Variants in TP53BP2 observed in about 807,000 individuals in gnomAD.
TP53BP2 encodes the protein apoptosis-stimulating of p53 protein 2.
In TP53BP2, 62 loss-of-function variants were observed where a neutral mutation model predicts 126.2. The ratio of observed to expected loss-of-function variants is 0.49; its 90% CI spans 0.40 to 0.61. The LOEUF is 0.61. Among genes scored for constraint, TP53BP2 ranks in the 20% least tolerant of loss-of-function variants. TP53BP2 has a pLI of 0.00. For missense variants in TP53BP2, 1,215 were observed against 1,402.8 expected, an observed-to-expected ratio of 0.87 and a Z score of 2.14; for synonymous variants, 485 against 502.9, an observed-to-expected ratio of 0.96 and a Z score of 0.48.
At chr1:223,798,751 T>G in intron 11 of TP53BP2, 74 bp from the exon 12 acceptor site, 1 of 1,237,392 alleles carries the variant, frequency 8.1e-7, no homozygotes. Context: ...ATAACCTAAT[T>G]TCACAAATGT....
chr1:223,814,446 T>C (rs987907124), intron 2 of TP53BP2, 93 bp from the exon 3 acceptor site: 2 of 906,090 alleles, frequency 2.2e-6, no homozygotes, highest in Non-Finnish European at 3.5e-6. Flanking sequence ...TTATACATTA[T>C]GGATACAACA....
At chr1:223,840,651 C>T (rs1013775896) in intron 1 of TP53BP2, among the ~76,000 whole-genome samples, 1 of 152,144 alleles carries the variant, frequency 6.6e-6, no homozygotes, top group Non-Finnish European at 1.5e-5. Context: ...AGACAAAGGT[C>T]TACAGTATTC....
At position 223,796,919 on chromosome 1, in the gene TP53BP2, A is replaced by G. The variant is rs1392326823; in HGVS notation, c.1949-329T>C. The stretch of plus-strand genomic sequence containing the variant: ...TGTGAAAAACATTTAGATGCAATGA[A>G]AACAGATAATCCTCATGTGTCCAGA... On this transcript the variant is annotated intron_variant, in intron 12 of 17. Coordinates refer to ENST00000343537, the MANE Select transcript of TP53BP2 (RefSeq NM_001031685.3). This position sits in a 1 kb window ranked among gnomAD's most constrained non-coding sequence, Gnocchi z 4.2. 6.6e-6 allele frequency among the ~76,000 whole-genome samples: 1 copy of G among 152,232 alleles called. No individual in the cohort carries two copies. Among genetic ancestry groups the G allele is most frequent in the African/African-American group, 2.4e-5 (1 of 41,468 alleles).
At chr1:223,809,008 C>T (rs1041426977) in intron 4 of TP53BP2, among the ~76,000 whole-genome samples, 2 of 151,988 alleles carry the variant, frequency 1.3e-5, no homozygotes, top group African/African-American at 4.8e-5. Flanking sequence ...CTCTGGTGGG[C>T]ATGTAAAATA....
chr1:223,821,183 A>G (rs761867128), intron 2 of TP53BP2, 37 bp downstream of exon 2: 10 of 1,613,578 alleles, frequency 6.2e-6, no homozygotes, highest in Non-Finnish European at 8.5e-6. Context: ...AATAGAAGAC[A>G]GAAGAACTAA....
intron 15 of TP53BP2, among the ~76,000 whole-genome samples, chr1:223,792,136 T>A (rs1662176002): frequency 6.6e-6 from 1 of 152,222 alleles, no homozygotes. Flanking sequence ...GTGTACTACT[T>A]TGTTACACTT....
At chr1:223,836,087 C>T (rs1357445050) in intron 1 of TP53BP2, among the ~76,000 whole-genome samples, 1 of 152,208 alleles carries the variant, frequency 6.6e-6, no homozygotes, top group East Asian at 1.9e-4. Flanking sequence ...AGTCCTGGAA[C>T]TGTTGAAGCA....
chr1:223,802,229 A>T lies in TP53BP2; in HGVS notation c.1112T>A (p.Leu371Ter), dbSNP rs1662549488. 1 of 1,614,088 alleles carries T rather than the reference A, an allele frequency of 6.2e-7. No individual in the cohort carries two copies. Residue 371 changes from leucine to a stop codon, truncating the protein, a stop_gained, in exon 9 of 18, where the codon TTG (leucine) becomes TAG (stop). Transcript: ENST00000343537. LOFTEE classifies it high-confidence loss of function. Reference protein sequence around the residue: ...TMPRMPSRPELLVKPALPDGS... With the variant: ...TMPRMPSRPE Reference sequence around the variant, plus strand: ...ATCCGGCAGGGCTGGCTTCACCAGCAATTCAGGCCTTGAGGGCATCCGAGG... The same window carrying T: ...ATCCGGCAGGGCTGGCTTCACCAGCTATTCAGGCCTTGAGGGCATCCGAGG...
chr1:223,789,440 A>G (rs568475859), intron 15 of TP53BP2, among the ~76,000 whole-genome samples: 1 of 152,346 alleles, frequency 6.6e-6, no homozygotes, highest in African/African-American at 2.4e-5. Flanking sequence ...ACGTGAATAA[A>G]CAGAAATGAA....
chr1:223,794,018 C>T (rs1662234541), intron 13 of TP53BP2, among the ~76,000 whole-genome samples: 1 of 152,178 alleles, frequency 6.6e-6, no homozygotes, highest in African/African-American at 2.4e-5. Context: ...TCTTTAAAGT[C>T]TGCCATCTTA....
chr1:223,844,661 G>A (rs187336410), intron 1 of TP53BP2, among the ~76,000 whole-genome samples: 40 of 152,056 alleles, frequency 2.6e-4, no homozygotes, highest in African/African-American at 9.2e-4. Context: ...TTGTTAAGTC[G>A]ACCCAGTGAG....
intron 1 of TP53BP2, among the ~76,000 whole-genome samples, chr1:223,823,105 CA>C (rs1390661670): frequency 6.6e-6 from 1 of 151,978 alleles, no homozygotes; most frequent in Non-Finnish European, 1.5e-5. Flanking sequence ...TTTAAGACTG[CA>C]AAAAAGCAGA....
chr1:223,813,307 G>GC (rs1193116687), intron 3 of TP53BP2, among the ~76,000 whole-genome samples: 1 of 152,064 alleles, frequency 6.6e-6, no homozygotes, highest in Non-Finnish European at 1.5e-5. Context: ...TCATTTCAGG[G>GC]CCCCACCTGG....
chr1:223,836,343 G>A (rs985328720), intron 1 of TP53BP2, among the ~76,000 whole-genome samples: 2 of 152,238 alleles, frequency 1.3e-5, no homozygotes, highest in East Asian at 3.8e-4. Flanking sequence ...AATGAACCAC[G>A]AGGTGACCGG....
At chr1:223,793,189 A>T in intron 14 of TP53BP2, 114 bp downstream of exon 14, 1 of 815,702 alleles carries the variant, frequency 1.2e-6, no homozygotes, top group Non-Finnish European at 1.7e-6. Context: ...TTCTAATTAG[A>T]GCTTTAAAAC....
chr1:223,800,389 T>C (rs904295416), intron 10 of TP53BP2, among the ~76,000 whole-genome samples: 4 of 151,980 alleles, frequency 2.6e-5, no homozygotes, highest in Non-Finnish European at 4.4e-5. Flanking sequence ...GAGTCCAGTC[T>C]GGGCAACATG....
chr1:223,786,655 G>A (rs1367811676), intron 16 of TP53BP2, among the ~76,000 whole-genome samples: 5 of 151,166 alleles, frequency 3.3e-5, no homozygotes, highest in African/African-American at 1.2e-4. Context: ...TGCCCAGGCT[G>A]GAGTGCAGTG....
In TP53BP2 at chr1:223,799,911, C is replaced by T; in HGVS notation, c.1473G>A (p.Leu491=). 6.3e-7 allele frequency: 1 copy of T among 1,592,222 alleles called. No individual in the cohort carries two copies. Among genetic ancestry groups the T allele is most frequent in the Non-Finnish European group, 8.5e-7 (1 of 1,173,556 alleles). The change falls in exon 11 of 18, where the codon TTG becomes TTA. Residue 491 remains leucine, a synonymous_variant. Coordinates refer to ENST00000343537, the MANE Select transcript of TP53BP2 (RefSeq NM_001031685.3). ...LRKNQSSEDI[L]RDAQVANKNV... ...TATTTGTAGGTACCTGAGCATCCCG[C>T]AAGATATCTTCACTGCTCTGGTTCT...
chr1:223,831,466 T>TAAAAAAA (rs1157082703), intron 1 of TP53BP2, among the ~76,000 whole-genome samples: 24 of 43,676 alleles, frequency 5.5e-4, no homozygotes, highest in Admixed American at 9.6e-4. Flanking sequence ...ATGTACCATC[T>TAAAAAAA]AAAAAAAAAA....
Sources: allele counts gnomAD v4.1 joint callset (sites outside exome capture counted in the v4.1 genomes callset), GRCh38; gene constraint gnomAD v4.1.1; non-coding constraint Gnocchi (gnomAD v3.1); transcripts MANE v1.5; gene names NCBI Gene and HGNC (gene_info 2026-07-23, HGNC 2026-07-21).